MAT1A: variants seen among roughly 807,000 people sequenced by gnomAD.
MAT1A encodes the protein methionine adenosyltransferase 1A.
A neutral mutation model predicts 44.0 loss-of-function variants in MAT1A; 19 were observed. The observed-to-expected ratio is 0.43, with a 90% CI of 0.30 to 0.63. MAT1A has a LOEUF of 0.63. MAT1A is among the 30% of genes least tolerant of loss of function. MAT1A has a pLI of 0.12. For missense variants in MAT1A, 397 were observed against 531.0 expected, an observed-to-expected ratio of 0.75 and a Z score of 2.48; for synonymous variants, 205 against 205.6, an observed-to-expected ratio of 1.00 and a Z score of 0.03.
chr10:80,276,249 A>G, intron 6 of MAT1A, 127 bp downstream of exon 6: 1 of 930,324 alleles, frequency 1.1e-6, no homozygotes, highest in Non-Finnish European at 1.7e-6. Context: ...CACCGACTTT[A>G]CATTTAGTCC....
rs1202201899 is a variant in MAT1A, at chr10:80,276,584, T to C, written c.560A>G (p.Gln187Arg). 2 of 1,611,532 alleles carry C rather than the reference T, an allele frequency of 1.2e-6. No homozygotes were observed. The highest frequency in any genetic ancestry group is 3.3e-5 in the Admixed American group (2 of 60,006). The stretch of plus-strand genomic sequence containing the variant: ...GACTGCGCCATTGTCCTGCATGTAC[T>C]GAACTGTCACCTGTCCATCAGAAGG... ...RPDSKTQVTV[Q>R]YMQDNGAVIP... The change falls in exon 6 of 9, where the codon CAG becomes CGG. Residue 187 changes from glutamine (Q) to arginine (R), a missense_variant. By Grantham distance (43) the Gln-to-Arg change is conservative. Transcript: ENST00000372213.
chr10:80,275,291 T>G (rs1841471363), intron 6 of MAT1A, 92 bp from the exon 7 acceptor site: 1 of 1,147,068 alleles, frequency 8.7e-7, no homozygotes, highest in African/African-American at 1.5e-5. Flanking sequence ...GAACTGCAAC[T>G]CAGGAAGGAT....
At chr10:80,274,718 T>G in intron 7 of MAT1A, 65 bp from the exon 8 acceptor site, 1 of 1,608,360 alleles carries the variant, frequency 6.2e-7, no homozygotes, top group South Asian at 1.1e-5. Flanking sequence ...TTCAGAAGCT[T>G]TGCCCTTCTT....
At chr10:80,280,627 T>C in intron 4 of MAT1A, 53 bp downstream of exon 4, 1 of 1,494,390 alleles carries the variant, frequency 6.7e-7, no homozygotes, top group Non-Finnish European at 9.3e-7. Flanking sequence ...CCACTGCTCA[T>C]GAACTTTCCC....
intron 8 of MAT1A, 120 bp from the exon 9 acceptor site, chr10:80,274,003 C>A: frequency 1.3e-6 from 1 of 768,826 alleles, no homozygotes; most frequent in South Asian, 1.4e-5. Context: ...CATGGCACTA[C>A]GCCTCCCCAC....
chr10:80,273,489 G>GCT lies in MAT1A; in HGVS notation c.*291_*292insAG. ...TCCAGCTGTTGGGGGAGACGAGTGA[G>GCT]GGAATTCACTCTTGACGGGGGTGCC... On this transcript the variant is annotated 3_prime_UTR_variant, in exon 9 of 9. Transcript: ENST00000372213. The GCT allele has an allele frequency of 2.4e-6, 1 of 409,336 alleles. No homozygotes were observed. The highest frequency in any genetic ancestry group is 4.6e-6 in the Non-Finnish European group (1 of 216,548). 25.4% of individuals were successfully genotyped at this position (409,336 alleles called of 1,614,324 possible). A position where few individuals can be genotyped will look rare whatever the true frequency, so the allele number is the denominator to read the frequency against.
chr10:80,276,077 C>T (rs552429092), intron 6 of MAT1A, among the ~76,000 whole-genome samples: 1 of 152,336 alleles, frequency 6.6e-6, no homozygotes, highest in South Asian at 2.1e-4. Context: ...TGAGGTGCAG[C>T]AGCCGTGGGT....
intron 1 of MAT1A, among the ~76,000 whole-genome samples, chr10:80,285,920 G>C (rs1841644526): frequency 1.3e-5 from 2 of 151,498 alleles, no homozygotes; most frequent in Non-Finnish European, 2.9e-5. Flanking sequence ...CCACCTCCCG[G>C]GTTCAAGCAA....
chr10:80,279,887 G>A (rs1052767275), intron 5 of MAT1A, among the ~76,000 whole-genome samples: 2 of 151,974 alleles, frequency 1.3e-5, no homozygotes, highest in Non-Finnish European at 2.9e-5. Context: ...TATGTTTGTG[G>A]CAGGATTTGG....
At chr10:80,279,801 A>ACACAGACACAG (rs1050016330) in intron 5 of MAT1A, among the ~76,000 whole-genome samples, 3 of 151,846 alleles carry the variant, frequency 2.0e-5, no homozygotes, top group African/African-American at 7.3e-5. Context: ...CAGACAGACA[A>ACACAGACACAG]CACAGACACA....
chr10:80,288,383 C>T (rs1484982634), intron 1 of MAT1A, among the ~76,000 whole-genome samples: 1 of 152,128 alleles, frequency 6.6e-6, no homozygotes, highest in Non-Finnish European at 1.5e-5. Context: ...AGGGTGGGGC[C>T]CAGCCCTCTG....
intron 1 of MAT1A, among the ~76,000 whole-genome samples, chr10:80,288,152 A>T (rs1841671174): frequency 6.6e-6 from 1 of 152,220 alleles, no homozygotes; most frequent in Non-Finnish European, 1.5e-5. Context: ...TTTGAGGAAG[A>T]ACAAGAGCAA....
intron 1 of MAT1A, among the ~76,000 whole-genome samples, chr10:80,288,224 G>C (rs894171599): frequency 1.3e-5 from 2 of 152,192 alleles, no homozygotes; most frequent in Non-Finnish European, 2.9e-5. Flanking sequence ...ATTTTGAAGA[G>C]GGACTTAACT....
rs1841436438 is a variant in MAT1A at position 80,273,431 on chromosome 10, C to T, written c.*350G>A. Reference sequence around the variant, plus strand: ...TGAGATGTGCTGACCTCACCTGGCACAGGCAAGGGGAGGGAGGGGGAGCTG... The same window carrying T: ...TGAGATGTGCTGACCTCACCTGGCATAGGCAAGGGGAGGGAGGGGGAGCTG... On this transcript the variant is annotated 3_prime_UTR_variant, in exon 9 of 9. Transcript: ENST00000372213. 5.8e-6 allele frequency: 2 copies of T among 342,408 alleles called. No homozygotes were observed. Among genetic ancestry groups the T allele is most frequent in the Admixed American group, 4.0e-5 (1 of 25,308 alleles). 21.2% of individuals were successfully genotyped at this position (342,408 alleles called of 1,614,324 possible).
intron 1 of MAT1A, among the ~76,000 whole-genome samples, chr10:80,286,168 A>T (rs1841648290): frequency 1.3e-5 from 2 of 152,092 alleles, no homozygotes; most frequent in South Asian, 4.1e-4. Flanking sequence ...ACTCACACAT[A>T]AACAAACACA....
At chr10:80,280,554 G>A (rs1259858813) in intron 4 of MAT1A, 126 bp downstream of exon 4, 1 of 1,028,276 alleles carries the variant, frequency 9.7e-7, no homozygotes, top group African/African-American at 1.6e-5. Context: ...CGTGAAGCTG[G>A]GGTTCCCAAC....
At position 80,284,484 on chromosome 10, in the gene MAT1A, C is replaced by A. The variant is rs184784471; in HGVS notation, c.170-446G>T. ...ACCAAAAAAAATCAAAGCAGGCCAA[C>A]CTTCTCTCCAGATATTTACAAAGAT... On this transcript the variant is annotated intron_variant, in intron 2 of 8. Transcript: ENST00000372213. Among the ~76,000 whole-genome samples the A allele has an allele frequency of 2.2e-4, 34 of 152,304 alleles. No homozygotes were observed. In the East Asian group the frequency reaches 5.8e-3, roughly 26 times the overall value.
rs527968994 is a variant in MAT1A at position 80,273,124 on chromosome 10, G to A, written c.*657C>T. On this transcript the variant is annotated 3_prime_UTR_variant, in exon 9 of 9. Transcript: ENST00000372213. ...TCTAGGTCTAAACACGTGGCTGTGG[G>A]ACCCTGTGGAAGTTATCCAGACTCT... is the stretch of plus-strand genomic sequence containing the variant. 1.2e-3 allele frequency: 181 copies of A among 153,496 alleles called. 1 individual carries two copies. Among genetic ancestry groups the A allele is most frequent in the Non-Finnish European group, 2.5e-3 (171 of 69,024 alleles). 9.5% of individuals were successfully genotyped at this position (153,496 alleles called of 1,614,324 possible).
intron 5 of MAT1A, among the ~76,000 whole-genome samples, chr10:80,277,208 G>A (rs2132703221): frequency 6.6e-6 from 1 of 152,322 alleles, no homozygotes; most frequent in Non-Finnish European, 1.5e-5. Flanking sequence ...AGGGACATGT[G>A]GTGCCCGCAG....
Sources: allele counts gnomAD v4.1 joint callset (sites outside exome capture counted in the v4.1 genomes callset), GRCh38; gene constraint gnomAD v4.1.1; transcripts MANE v1.5; gene names NCBI Gene and HGNC (gene_info 2026-07-23, HGNC 2026-07-21).